The following FRMD3 variants were observed in gnomAD, a reference collection of about 807,000 sequenced individuals.
FRMD3 encodes the protein FERM domain-containing protein 3.
FRMD3 carries 33 observed loss-of-function variants against 70.2 expected under a neutral mutation model. That is an observed-to-expected ratio of 0.47 (90% CI 0.36 to 0.63). The LOEUF (loss-of-function observed/expected upper bound fraction) is 0.63, where lower values mean the gene tolerates loss of function less well. Ranked by LOEUF, FRMD3 falls within the 20% of genes least tolerant of loss-of-function variation. The pLI, the probability that FRMD3 is intolerant of heterozygous loss-of-function variation, is 0.00. For missense variants in FRMD3, 632 were observed against 711.4 expected, an observed-to-expected ratio of 0.89 and a Z score of 1.27; for synonymous variants, 279 against 255.9, an observed-to-expected ratio of 1.09 and a Z score of -0.86.
rs1036223633 is a variant in FRMD3, at chr9:83,245,638, T to C, written c.*2280A>G. 1.2e-6 allele frequency: 1 copy of C among 819,032 alleles called. No homozygotes were observed. Among genetic ancestry groups the C allele is most frequent in the East Asian group, 1.2e-4 (1 of 8,108 alleles). The allele number at this position is 819,032 out of a possible 1,614,324, so 50.7% of individuals were successfully genotyped here. A position where few individuals can be genotyped will look rare whatever the true frequency, so the allele number is the denominator to read the frequency against. ...TTTAAGTATTTTACAATGGAAAATA[T>C]ATTAGTTCCATAATTTAAAAAATAT... On this transcript the variant is annotated 3_prime_UTR_variant, in exon 14 of 14. Coordinates refer to ENST00000304195, the MANE Select transcript of FRMD3 (RefSeq NM_174938.6).
At chr9:83,528,251 G>A (rs948657829) in intron 1 of FRMD3, among the ~76,000 whole-genome samples, 1 of 152,036 alleles carries the variant, frequency 6.6e-6, no homozygotes, top group Non-Finnish European at 1.5e-5. Flanking sequence ...TTACACTAGA[G>A]CCTAGCCTTG....
chr9:83,374,407 C>CT (rs5898827), intron 2 of FRMD3, among the ~76,000 whole-genome samples: 107,165 of 151,848 alleles, frequency 0.71, 38,058 homozygotes, highest in Admixed American at 0.73. Flanking sequence ...ATATTTACCC[C>CT]GACCAGGTTG....
chr9:83,378,868 C>CTATATATAAATTTTATATA (rs1825270382), intron 2 of FRMD3, among the ~76,000 whole-genome samples: 3 of 74,032 alleles, frequency 4.1e-5, no homozygotes, highest in African/African-American at 1.5e-4. Flanking sequence ...AATATATATA[C>CTATATATAAATTTTATATA]ACTATATATA....
chr9:83,280,744 T>C (rs985929220), intron 13 of FRMD3, among the ~76,000 whole-genome samples: 5 of 152,216 alleles, frequency 3.3e-5, no homozygotes, highest in Admixed American at 1.3e-4. Flanking sequence ...TATATGCACA[T>C]TATAAAACCT....
At chr9:83,357,276 TATATATATA>T (rs1216324516) in intron 3 of FRMD3, among the ~76,000 whole-genome samples, 1 of 59,258 alleles carries the variant, frequency 1.7e-5, no homozygotes, top group Non-Finnish European at 3.0e-5. Context: ...TATATATATA[TATATATATA>T]TATATATATA....
intron 1 of FRMD3, among the ~76,000 whole-genome samples, chr9:83,470,666 C>T (rs1206085924): frequency 1.3e-5 from 2 of 152,130 alleles, no homozygotes; most frequent in Admixed American, 1.3e-4. Flanking sequence ...AGAAGGGTCC[C>T]GATCAGAAGG....
Position 83,475,238 on chromosome 9 carries a change from G to A in FRMD3, c.147+62847C>T, listed in dbSNP as rs534537287. Among the ~76,000 whole-genome samples the A allele has an allele frequency of 1.6e-3, 244 of 152,138 alleles. 1 individual carries two copies. The highest frequency in any genetic ancestry group is 5.7e-3 in the African/African-American group (236 of 41,518). The stretch of plus-strand genomic sequence containing the variant: ...ACTTTAAAATAATTAACATGTTTAA[G>A]AAAATGGGTGACAATTTCACCAAAG... On this transcript the variant is annotated intron_variant, in intron 1 of 13. Transcript: ENST00000304195.
chr9:83,289,230 C>A (rs1834324824), intron 13 of FRMD3, among the ~76,000 whole-genome samples: 1 of 152,178 alleles, frequency 6.6e-6, no homozygotes. Context: ...AAAACACAGA[C>A]AAGCAACATG....
At chr9:83,408,511 C>T (rs1826190372) in intron 1 of FRMD3, among the ~76,000 whole-genome samples, 1 of 152,182 alleles carries the variant, frequency 6.6e-6, no homozygotes, top group Non-Finnish European at 1.5e-5. Flanking sequence ...ACTCCAGAAA[C>T]TAGGCACAAC....
At chr9:83,312,665 G>A (rs1012740748) in intron 7 of FRMD3, among the ~76,000 whole-genome samples, 1 of 152,238 alleles carries the variant, frequency 6.6e-6, no homozygotes, top group Non-Finnish European at 1.5e-5. Flanking sequence ...GTAAATGCTA[G>A]TATGGACAAG....
intron 13 of FRMD3, chr9:83,266,958 C>A: frequency 2.0e-6 from 3 of 1,522,434 alleles, no homozygotes; most frequent in Non-Finnish European, 2.7e-6. Context: ...GAGCAGGAAG[C>A]TGGAAGCCCG....
At chr9:83,282,685 C>T (rs1834019388) in intron 13 of FRMD3, among the ~76,000 whole-genome samples, 1 of 152,110 alleles carries the variant, frequency 6.6e-6, no homozygotes, top group African/African-American at 2.4e-5. Context: ...TGTCTGTGGT[C>T]ACCTGGCTGC....
chr9:83,446,412 C>T (rs1012013170), intron 1 of FRMD3, among the ~76,000 whole-genome samples: 2 of 152,142 alleles, frequency 1.3e-5, no homozygotes, highest in African/African-American at 4.8e-5. Context: ...CTTTCGGAGG[C>T]CGAGGCGGGC....
chr9:83,474,192 A>G (rs904659825), intron 1 of FRMD3, among the ~76,000 whole-genome samples: 4 of 152,218 alleles, frequency 2.6e-5, no homozygotes, highest in African/African-American at 9.6e-5. Flanking sequence ...AGAGTATAGC[A>G]AAAACATCAG....
At chr9:83,534,055 T>C (rs1829842550) in intron 1 of FRMD3, among the ~76,000 whole-genome samples, 1 of 152,214 alleles carries the variant, frequency 6.6e-6, no homozygotes, top group African/African-American at 2.4e-5. Flanking sequence ...CAAGGCTGAA[T>C]GAAGAATTAG....
chr9:83,387,080 TA>T (rs953024613), intron 2 of FRMD3, among the ~76,000 whole-genome samples: 1 of 151,938 alleles, frequency 6.6e-6, no homozygotes. Context: ...CCCTTTGTAA[TA>T]AAAAAAATGC....
chr9:83,263,041 TAAG>T (rs777184936), intron 13 of FRMD3, among the ~76,000 whole-genome samples: 2 of 152,304 alleles, frequency 1.3e-5, no homozygotes, highest in South Asian at 2.1e-4. Flanking sequence ...TTTTTACTTC[TAAG>T]AAGATCATCC....
chr9:83,258,492 C>A (rs774484192), intron 13 of FRMD3, among the ~76,000 whole-genome samples: 1 of 152,186 alleles, frequency 6.6e-6, no homozygotes, highest in Non-Finnish European at 1.5e-5. Context: ...ATGATGGAAG[C>A]AATGCAATAT....
intron 1 of FRMD3, among the ~76,000 whole-genome samples, chr9:83,473,969 C>T (rs1302406648): frequency 6.6e-6 from 1 of 152,178 alleles, no homozygotes; most frequent in Non-Finnish European, 1.5e-5. Context: ...AATTTTCTTT[C>T]CTTTCTTAGA....
Sources: gnomAD v4.1 joint callset for allele counts (sites outside exome capture counted in the v4.1 genomes callset) on GRCh38, gnomAD v4.1.1 for gene constraint, MANE v1.5 for transcripts, NCBI Gene and HGNC (gene_info 2026-07-23, HGNC 2026-07-21) for gene names.